MDGA2: variants seen among roughly 807,000 people sequenced by gnomAD.
MDGA2 encodes the protein MAM domain containing glycosylphosphatidylinositol anchor 2.
MDGA2 carries 40 observed loss-of-function variants against 117.8 expected under a neutral mutation model. The ratio of observed to expected loss-of-function variants is 0.34; its 90% CI spans 0.26 to 0.44. The LOEUF is 0.44. MDGA2 is among the 20% of genes least tolerant of loss of function. The pLI is 1.00. For synonymous variants in MDGA2, 452 were observed against 439.0 expected (o/e 1.03, Z -0.37); for missense variants, 1,123 against 1,250.6 (o/e 0.90, Z 1.54).
At chr14:47,381,967 C>T (rs560686250) in intron 1 of MDGA2, among the ~76,000 whole-genome samples, 3 of 152,124 alleles carry the variant, frequency 2.0e-5, no homozygotes, top group South Asian at 2.1e-4. Flanking sequence ...AACTATACTA[C>T]AAGGCTACAG....
chr14:47,089,185 A>G (rs949922125), intron 6 of MDGA2, among the ~76,000 whole-genome samples: 2 of 152,154 alleles, frequency 1.3e-5, no homozygotes, highest in Non-Finnish European at 2.9e-5. Flanking sequence ...ATAGAAAAGG[A>G]CTATTATCAG....
In MDGA2 at chr14:47,007,135, T is replaced by G. The variant is rs577026542; in HGVS notation, c.1819+27876A>C. ...ATATGGAATTTGTATCATATAAGAGTGATAATCTGGTCTTGTGGTTTAATC... is the reference window on the plus strand; with the variant it reads ...ATATGGAATTTGTATCATATAAGAGGGATAATCTGGTCTTGTGGTTTAATC... On this transcript the variant is annotated intron_variant, in intron 8 of 16. Coordinates refer to ENST00000399232, the MANE Select transcript of MDGA2 (RefSeq NM_001113498.3). 4.6e-5 allele frequency among the ~76,000 whole-genome samples: 7 copies of G among 151,852 alleles called. No individual in the cohort carries two copies. In the South Asian group the frequency reaches 1.5e-3, roughly 31 times the overall value.
intron 8 of MDGA2, among the ~76,000 whole-genome samples, chr14:47,017,866 A>C (rs962726893): frequency 3.9e-5 from 6 of 152,108 alleles, no homozygotes; most frequent in African/African-American, 1.4e-4. Flanking sequence ...CCTTAAGAGG[A>C]GTCCATGCAA....
intron 1 of MDGA2, among the ~76,000 whole-genome samples, chr14:47,364,787 T>C (rs888011341): frequency 6.6e-6 from 1 of 152,224 alleles, no homozygotes; most frequent in Non-Finnish European, 1.5e-5. Context: ...AGATTTCCAC[T>C]GAGGGAATTT....
chr14:46,945,462 T>A (rs1885139693), intron 9 of MDGA2, among the ~76,000 whole-genome samples: 1 of 152,050 alleles, frequency 6.6e-6, no homozygotes, highest in Non-Finnish European at 1.5e-5. Context: ...TTATCAATTT[T>A]CTACTCACAA....
intron 9 of MDGA2, among the ~76,000 whole-genome samples, chr14:46,934,196 T>A (rs1030251986): frequency 1.3e-5 from 2 of 151,998 alleles, no homozygotes; most frequent in African/African-American, 4.8e-5. Context: ...TTGTCTATTA[T>A]AGAGATTTCC....
chr14:47,290,321 G>A (rs1331149501), intron 2 of MDGA2, among the ~76,000 whole-genome samples: 9 of 151,994 alleles, frequency 5.9e-5, no homozygotes, highest in Non-Finnish European at 1.2e-4. Flanking sequence ...TGCCATATGA[G>A]ATTAAAATAA....
rs553739427 is a variant in MDGA2, at chr14:47,348,582, G to A, written c.281-47032C>T. Reference sequence around the variant, plus strand: ...ATTAAATATAATTGCTTGAGAGAGGGGGATAGTTTCTCGAGAAGGCAAAAA... The same window carrying A: ...ATTAAATATAATTGCTTGAGAGAGGAGGATAGTTTCTCGAGAAGGCAAAAA... On this transcript the variant is annotated intron_variant, in intron 1 of 16. Coordinates refer to ENST00000399232, the MANE Select transcript of MDGA2 (RefSeq NM_001113498.3). Among the ~76,000 whole-genome samples the A allele has an allele frequency of 3.3e-5, 5 of 152,216 alleles. No individual in the cohort carries two copies. In the South Asian group the frequency reaches 1.0e-3, roughly 32 times the overall value.
chr14:47,465,586 T>C (rs1433058099), intron 1 of MDGA2, among the ~76,000 whole-genome samples: 1 of 152,106 alleles, frequency 6.6e-6, no homozygotes, highest in Non-Finnish European at 1.5e-5. Context: ...AAAAAGCTCA[T>C]TATTACTGAT....
At chr14:47,265,819 A>G (rs1238909663) in intron 2 of MDGA2, among the ~76,000 whole-genome samples, 2 of 152,100 alleles carry the variant, frequency 1.3e-5, no homozygotes, top group Non-Finnish European at 2.9e-5. Context: ...TAATGCGCCC[A>G]AGTTCCCAAT....
At chr14:47,421,181 A>G (rs1290867022) in intron 1 of MDGA2, among the ~76,000 whole-genome samples, 1 of 152,004 alleles carries the variant, frequency 6.6e-6, no homozygotes, top group Non-Finnish European at 1.5e-5. Flanking sequence ...GGAGAATTTC[A>G]CTCTGGGGTC....
chr14:47,507,848 T>C (rs927666734), intron 1 of MDGA2, among the ~76,000 whole-genome samples: 2 of 152,150 alleles, frequency 1.3e-5, no homozygotes, highest in Non-Finnish European at 2.9e-5. Context: ...GTTGATTGCT[T>C]GGGTTACTCT....
chr14:47,623,701 G>GA (rs893053929), intron 1 of MDGA2, among the ~76,000 whole-genome samples: 49 of 148,668 alleles, frequency 3.3e-4, no homozygotes, highest in African/African-American at 1.1e-3. Flanking sequence ...TTTTATAACT[G>GA]AAAAAAAAAA....
At chr14:46,952,895 G>T (rs1885419575) in intron 9 of MDGA2, among the ~76,000 whole-genome samples, 1 of 151,806 alleles carries the variant, frequency 6.6e-6, no homozygotes, top group Admixed American at 6.6e-5. Context: ...TGACAATGAA[G>T]AATTTGCATA....
chr14:46,935,206 T>A lies in MDGA2; in HGVS notation c.2090-15046A>T, dbSNP rs190603281. 3.3e-5 allele frequency among the ~76,000 whole-genome samples: 5 copies of A among 152,168 alleles called. No individual in the cohort carries two copies. In the East Asian group the frequency reaches 9.7e-4, roughly 30 times the overall value. On this transcript the variant is annotated intron_variant, in intron 9 of 16. Transcript: ENST00000399232. Reference sequence around the variant, plus strand: ...GGAAGCAGAAAATGATTAATGTACATTATGCCCAATTCCTGAGATCAGCAC... The same window carrying A: ...GGAAGCAGAAAATGATTAATGTACAATATGCCCAATTCCTGAGATCAGCAC...
intron 2 of MDGA2, among the ~76,000 whole-genome samples, chr14:47,272,474 A>G (rs903097715): frequency 6.6e-6 from 1 of 152,112 alleles, no homozygotes; most frequent in Admixed American, 6.6e-5. Context: ...TTGAAAGACG[A>G]AGGGAAGGAA....
At chr14:47,427,635 TGTG>T (rs1892718215) in intron 1 of MDGA2, among the ~76,000 whole-genome samples, 1 of 152,134 alleles carries the variant, frequency 6.6e-6, no homozygotes, top group South Asian at 2.1e-4. Context: ...CACCAGGTTG[TGTG>T]GTGGGAGACA....
chr14:47,144,285 T>C lies in MDGA2; in HGVS notation c.596-11A>G. On this transcript the variant is annotated splice_polypyrimidine_tract_variant and intron_variant, in intron 3 of 16. Coordinates refer to ENST00000399232, the MANE Select transcript of MDGA2 (RefSeq NM_001113498.3). ...CTGGATCATCCAAATCTAAAGGAAATAAAAACAACCAAATGGCAATGTTAT... is the reference window on the plus strand; with the variant it reads ...CTGGATCATCCAAATCTAAAGGAAACAAAAACAACCAAATGGCAATGTTAT... The C allele has an allele frequency of 6.5e-7, 1 of 1,541,364 alleles. No individual in the cohort carries two copies. The highest frequency in any genetic ancestry group is 8.8e-7 in the Non-Finnish European group (1 of 1,140,898).
chr14:47,148,785 C>T (rs1364706669), intron 3 of MDGA2, among the ~76,000 whole-genome samples: 2 of 152,134 alleles, frequency 1.3e-5, no homozygotes, highest in Non-Finnish European at 2.9e-5. Context: ...TGAAAATTGC[C>T]TCAGGTACAG....
Sources: gnomAD v4.1 joint callset for allele counts (sites outside exome capture counted in the v4.1 genomes callset) on GRCh38, gnomAD v4.1.1 for gene constraint, MANE v1.5 for transcripts, NCBI Gene and HGNC (gene_info 2026-07-23, HGNC 2026-07-21) for gene names.